The following BACH2 variants were observed in gnomAD, a reference collection of about 807,000 sequenced individuals.
BACH2 encodes BACH transcriptional regulator 2.
BACH2 carries 5 observed loss-of-function variants against 61.8 expected under a neutral mutation model. The ratio of observed to expected loss-of-function variants is 0.08; its 90% CI spans 0.04 to 0.17. BACH2 has a LOEUF of 0.17. Ranked by LOEUF, BACH2 falls within the 10% of genes least tolerant of loss-of-function variation. The probability of loss-of-function intolerance (pLI) is 1.00; values close to 1 mark genes in which losing one functional copy is unlikely to be tolerated. For missense variants in BACH2, 824 were observed against 1,091.1 expected, an observed-to-expected ratio of 0.76 and a Z score of 3.45; for synonymous variants, 446 against 440.1, an observed-to-expected ratio of 1.01 and a Z score of -0.17.
intron 2 of BACH2, among the ~76,000 whole-genome samples, chr6:90,270,597 C>T (rs1216691585): frequency 1.3e-5 from 2 of 152,114 alleles, no homozygotes; most frequent in African/African-American, 4.8e-5. Flanking sequence ...CAAATGGAAA[C>T]ATATTTCATG....
intron 5 of BACH2, among the ~76,000 whole-genome samples, chr6:90,038,971 G>A (rs184126966): frequency 2.7e-4 from 41 of 151,466 alleles, no homozygotes; most frequent in Admixed American, 1.4e-3. Flanking sequence ...ACCCAGGAGG[G>A]AGAGGTTGCA....
At chr6:90,293,007 G>GTT (rs1219727990) in intron 1 of BACH2, among the ~76,000 whole-genome samples, 7 of 152,212 alleles carry the variant, frequency 4.6e-5, no homozygotes, top group African/African-American at 1.7e-4. Flanking sequence ...CCAGAACCAG[G>GTT]TAAGTACATA....
At chr6:90,230,675 G>A (rs547747696) in intron 3 of BACH2, among the ~76,000 whole-genome samples, 5 of 152,294 alleles carry the variant, frequency 3.3e-5, no homozygotes, top group South Asian at 2.1e-4. Flanking sequence ...CTACTGCAAA[G>A]TTATGATGGG....
rs776716481 is a variant in BACH2 at position 90,220,132 on chromosome 6, T to C, written c.-274-13451A>G. On this transcript the variant is annotated intron_variant, in intron 3 of 8. Coordinates refer to ENST00000257749, the MANE Select transcript of BACH2 (RefSeq NM_021813.4). Reference sequence around the variant, plus strand: ...AAATGGAACCTACTATCAGAATTTATAGAATTTTTTCACAATGTTTCCAAA... The same window carrying C: ...AAATGGAACCTACTATCAGAATTTACAGAATTTTTTCACAATGTTTCCAAA... Among the ~76,000 whole-genome samples, 26 of 152,312 alleles carry C rather than the reference T, an allele frequency of 1.7e-4. 1 individual carries two copies. Among genetic ancestry groups the C allele is most frequent in the African/African-American group, 3.1e-4 (13 of 41,578 alleles).
At chr6:89,969,923 C>T (rs1298749624) in intron 6 of BACH2, among the ~76,000 whole-genome samples, 1 of 152,070 alleles carries the variant, frequency 6.6e-6, no homozygotes, top group Non-Finnish European at 1.5e-5. Context: ...CCTTAACCTG[C>T]TAAGTTAGAG....
chr6:90,253,527 G>A (rs1172031112), intron 2 of BACH2, among the ~76,000 whole-genome samples: 2 of 152,146 alleles, frequency 1.3e-5, no homozygotes, highest in African/African-American at 2.4e-5. Context: ...TTAAGGTCTT[G>A]CTCAACTCTA....
intron 4 of BACH2, among the ~76,000 whole-genome samples, chr6:90,154,477 G>T (rs1404592317): frequency 1.3e-5 from 2 of 152,172 alleles, no homozygotes; most frequent in Non-Finnish European, 2.9e-5. Context: ...AGAAGGAGTA[G>T]GTGACTTTCT....
intron 6 of BACH2, among the ~76,000 whole-genome samples, chr6:89,959,263 C>T (rs1300343772): frequency 6.6e-6 from 1 of 152,098 alleles, no homozygotes; most frequent in East Asian, 1.9e-4. Flanking sequence ...GGCTGAAAAA[C>T]ATGGTCAGCC....
In BACH2 at chr6:90,175,032, T is replaced by C. The variant is rs74884669; in HGVS notation, c.-162+31537A>G. Among the ~76,000 whole-genome samples, 1,090 of 152,206 alleles carry C rather than the reference T, an allele frequency of 7.2e-3. 17 individuals carry two copies. The highest frequency in any genetic ancestry group is 0.025 in the African/African-American group (1,026 of 41,558). On this transcript the variant is annotated intron_variant, in intron 4 of 8. Coordinates refer to ENST00000257749, the MANE Select transcript of BACH2 (RefSeq NM_021813.4). ...AAGGGTTTCAGTAGCAATGATAATG[T>C]TCTTCAGATGAGTAGCAGAAATGTG...
At chr6:90,130,384 C>T (rs1197743409) in intron 4 of BACH2, among the ~76,000 whole-genome samples, 1 of 151,746 alleles carries the variant, frequency 6.6e-6, no homozygotes, top group African/African-American at 2.4e-5. Context: ...GTGATGCTGA[C>T]ACAGGAGCTA....
rs1489814357 is a variant in BACH2, at chr6:90,008,446, A to G, written c.243+156T>C. On this transcript the variant is annotated intron_variant, in intron 6 of 8. Transcript: ENST00000257749. The surrounding 1 kb of genome is among the most constrained non-coding windows in gnomAD (Gnocchi z 4.1). ...TGCCTCTGAGACTTTAAGTGTATCA[A>G]ATAGAAACTGACTATGCCACAGACC... Among the ~76,000 whole-genome samples, 1 of 152,218 alleles carries G rather than the reference A, an allele frequency of 6.6e-6. No individual in the cohort carries two copies. The highest frequency in any genetic ancestry group is 1.5e-5 in the Non-Finnish European group (1 of 68,036).
At chr6:89,995,798 T>A (rs1250453933) in intron 6 of BACH2, among the ~76,000 whole-genome samples, 1 of 152,186 alleles carries the variant, frequency 6.6e-6, no homozygotes, top group African/African-American at 2.4e-5. Context: ...TCACCTATGC[T>A]AAGTAAGAGT....
At chr6:89,986,946 G>C (rs1236346163) in intron 6 of BACH2, among the ~76,000 whole-genome samples, 1 of 152,158 alleles carries the variant, frequency 6.6e-6, no homozygotes, top group Non-Finnish European at 1.5e-5. Flanking sequence ...CAGTAAAATT[G>C]AGCAATGAGT....
chr6:90,233,659 A>T (rs1294880682), intron 3 of BACH2, among the ~76,000 whole-genome samples: 1 of 152,192 alleles, frequency 6.6e-6, no homozygotes, highest in Admixed American at 6.5e-5. Context: ...CTGGCACACC[A>T]AAGTCAATGC....
intron 7 of BACH2, among the ~76,000 whole-genome samples, chr6:89,946,593 T>G (rs1352900573): frequency 1.3e-5 from 2 of 152,196 alleles, no homozygotes; most frequent in Non-Finnish European, 2.9e-5. Context: ...AACTACGATT[T>G]ACGAGAACGA....
intron 4 of BACH2, among the ~76,000 whole-genome samples, chr6:90,163,968 A>T (rs1767504802): frequency 1.3e-5 from 2 of 152,244 alleles, no homozygotes; most frequent in African/African-American, 4.8e-5. Flanking sequence ...AGCAGGAAAG[A>T]TCTAAAATTG....
intron 4 of BACH2, among the ~76,000 whole-genome samples, chr6:90,139,521 C>T (rs889185522): frequency 1.3e-5 from 2 of 152,200 alleles, no homozygotes; most frequent in African/African-American, 4.8e-5. Flanking sequence ...TCTAGGTTGC[C>T]ACGCCCCACT....
At chr6:90,090,867 T>G (rs375633726) in intron 4 of BACH2, among the ~76,000 whole-genome samples, 22 of 152,276 alleles carry the variant, frequency 1.4e-4, no homozygotes, top group African/African-American at 5.3e-4. Context: ...TCTTGGACAT[T>G]TTGCTCTTCC....
chr6:90,011,826 C>A (rs1291222160), intron 5 of BACH2, among the ~76,000 whole-genome samples: 1 of 139,534 alleles, frequency 7.2e-6, no homozygotes, highest in Non-Finnish European at 1.5e-5. Flanking sequence ...GAGGCGGAGA[C>A]AGGAGAATCG....
Sources: allele counts gnomAD v4.1 joint callset (sites outside exome capture counted in the v4.1 genomes callset), GRCh38; gene constraint gnomAD v4.1.1; non-coding constraint Gnocchi (gnomAD v3.1); transcripts MANE v1.5; gene names NCBI Gene and HGNC (gene_info 2026-07-23, HGNC 2026-07-21).